Variants in BDNF observed in about 807,000 individuals in gnomAD.
BDNF encodes the protein brain derived neurotrophic factor, also known as neurotrophic factor BDNF precursor form.
Under a neutral mutation model 19.5 loss-of-function variants are expected in BDNF, and 1 was observed. The ratio of observed to expected loss-of-function variants is 0.05; its 90% confidence interval spans 0.02 to 0.24. BDNF has a LOEUF of 0.24. Among genes scored for constraint, BDNF ranks in the 10% least tolerant of loss-of-function variants. BDNF has a pLI of 1.00. For synonymous variants in BDNF, 100 were observed against 121.6 expected (o/e 0.82, Z 1.17); for missense variants, 195 against 317.6 (o/e 0.61, Z 2.93).
chr11:27,690,193 T>A (rs1435735553), intron 1 of BDNF, among the ~76,000 whole-genome samples: 1 of 152,166 alleles, frequency 6.6e-6, no homozygotes, highest in Non-Finnish European at 1.5e-5. Context: ...TGCAAAAAAA[T>A]TCACATGTTT....
intron 1 of BDNF, chr11:27,699,257 C>A (rs1859594267): frequency 7.6e-7 from 1 of 1,323,710 alleles, no homozygotes; most frequent in Non-Finnish European, 1.1e-6. Flanking sequence ...TCCTCCAGTT[C>A]ACCCTCGCAG....
At chr11:27,697,166 G>C (rs11030117) in intron 1 of BDNF, among the ~76,000 whole-genome samples, 35 of 90,702 alleles carry the variant, frequency 3.9e-4, no homozygotes, top group Non-Finnish European at 7.3e-4. Flanking sequence ...CACACACACA[G>C]AGAGAGAGAG....
upstream of BDNF, chr11:27,700,995 G>A: frequency 7.3e-7 from 1 of 1,361,878 alleles, no homozygotes; most frequent in Non-Finnish European, 9.8e-7. Context: ...CTGCACTACG[G>A]AGCTTGCGAA....
chr11:27,682,794 T>C (rs960197915), intron 1 of BDNF, among the ~76,000 whole-genome samples: 2 of 152,214 alleles, frequency 1.3e-5, no homozygotes, highest in East Asian at 3.9e-4. Flanking sequence ...ACATTTTCTT[T>C]ATCCAGTCTA....
chr11:27,692,767 T>C (rs1858475611), intron 1 of BDNF, among the ~76,000 whole-genome samples: 1 of 152,244 alleles, frequency 6.6e-6, no homozygotes, highest in Admixed American at 6.5e-5. Flanking sequence ...ATTTACATCA[T>C]TGGTTCTAGA....
In BDNF at chr11:27,718,359, C is replaced by CG. The variant is rs1554950413; in HGVS notation, c.3+3052_3+3053insC. On this transcript the variant is annotated intron_variant, in intron 1 of 1. Coordinates refer to the BDNF transcript ENST00000314915. ...CATTCCCCGTTCCGCACACCACCCCCCCCCGCCCCTCCCGGGATTTTGCAA... is the reference window on the plus strand; with the variant it reads ...CATTCCCCGTTCCGCACACCACCCCCGCCCCGCCCCTCCCGGGATTTTGCAA... Among the ~76,000 whole-genome samples, 5 of 144,498 alleles carry CG rather than the reference C, an allele frequency of 3.5e-5. 1 individual carries two copies. The highest frequency in any genetic ancestry group is 5.0e-5 in the African/African-American group (2 of 40,292). 94.8% of individuals were successfully genotyped at this position (144,498 alleles called of 152,430 possible).
upstream of BDNF, among the ~76,000 whole-genome samples, chr11:27,705,326 A>T (rs36211437): frequency 0.052 from 7,940 of 152,278 alleles, 359 homozygotes; most frequent in South Asian, 0.24. Context: ...AACAAATTTA[A>T]ACCAAAGGGT....
Position 27,657,879 on chromosome 11 carries a change from C to T in BDNF, c.686G>A (p.Arg229Gln). The T allele has an allele frequency of 1.2e-6, 2 of 1,614,164 alleles. No homozygotes were observed. The highest frequency in any genetic ancestry group is 1.7e-6 in the Non-Finnish European group (2 of 1,180,030). Residue 229 changes from arginine (R) to glutamine (Q), a missense_variant, in exon 2 of 2, where the codon CGA (arginine) becomes CAA (glutamine). Physicochemically the swap from Arg to Gln is conservative, Grantham distance 43 (BLOSUM62 1). Transcript: ENST00000356660. This position sits in a 1 kb window ranked among gnomAD's most constrained non-coding sequence, Gnocchi z 5.0. ...ACAAGAAGTGTCTATCCTTATGAAT[C>T]GCCAGCCAATTCTCTTTTTGCTATC... ...TMDSKKRIGWRFIRIDTSCVC... is the reference protein window; with the variant it reads ...TMDSKKRIGWQFIRIDTSCVC...
At chr11:27,701,329 A>G (rs1370319492), upstream of BDNF, 17 of 1,099,734 alleles carry the variant, frequency 1.5e-5, no homozygotes, top group Non-Finnish European at 1.9e-5. Context: ...AGTAACCATC[A>G]AGGCAGCTGC....
Position 27,655,145 on chromosome 11 carries a change from C to T in BDNF, c.*2676G>A, listed in dbSNP as rs1470155236. 1 of 152,280 alleles carries T rather than the reference C, an allele frequency of 6.6e-6. No homozygotes were observed. The highest frequency in any genetic ancestry group is 1.5e-5 in the Non-Finnish European group (1 of 68,012). 9.4% of individuals were successfully genotyped at this position (152,280 alleles called of 1,614,324 possible). On this transcript the variant is annotated 3_prime_UTR_variant, in exon 2 of 2. Transcript: ENST00000356660. ...GAACAAGGCCACAGACATTTACTTA[C>T]ATTTTCAATGGGAATCGCCATAAAA...
intron 1 of BDNF, among the ~76,000 whole-genome samples, chr11:27,662,152 C>T (rs983770921): frequency 6.6e-6 from 1 of 152,272 alleles, no homozygotes; most frequent in Admixed American, 6.5e-5. Context: ...AGGCGCCCAC[C>T]ACCATGCCCG....
intron 1 of BDNF, among the ~76,000 whole-genome samples, chr11:27,711,607 C>A (rs1388562386): frequency 1.3e-5 from 2 of 152,128 alleles, no homozygotes; most frequent in Non-Finnish European, 2.9e-5. Flanking sequence ...GACTTTGGAA[C>A]CAGAAAACTT....
At chr11:27,719,689 G>A in intron 1 of BDNF, 1 of 979,612 alleles carries the variant, frequency 1.0e-6, no homozygotes, top group Non-Finnish European at 1.2e-6. Context: ...CGAGGGCGAC[G>A]GAGAGGAAGA....
chr11:27,661,162 A>G (rs1380264126), intron 1 of BDNF, among the ~76,000 whole-genome samples: 1 of 152,248 alleles, frequency 6.6e-6, no homozygotes, highest in African/African-American at 2.4e-5. Context: ...AATTAACACA[A>G]TGGTGACAAA....
upstream of BDNF, chr11:27,700,519 C>CGGGGGGGGGGG: frequency 1.3e-6 from 1 of 759,762 alleles, no homozygotes; most frequent in Non-Finnish European, 1.5e-6. Context: ...CAAACGGCGC[C>CGGGGGGGGGGG]GCCCCCCCCC....
chr11:27,687,842 C>T (rs1230422678), intron 1 of BDNF, among the ~76,000 whole-genome samples: 2 of 152,182 alleles, frequency 1.3e-5, no homozygotes, highest in Admixed American at 6.5e-5. Context: ...AAGTGTCTGT[C>T]GACCCCTGCT....
At chr11:27,712,908 ATTCTTTCT>A (rs1170088899) in intron 1 of BDNF, among the ~76,000 whole-genome samples, 9 of 133,822 alleles carry the variant, frequency 6.7e-5, no homozygotes, top group African/African-American at 2.5e-4. Flanking sequence ...ACAGTGAGCA[ATTCTTTCT>A]TTCTTTCTTT....
At chr11:27,678,026 G>A (rs764005365) in intron 1 of BDNF, among the ~76,000 whole-genome samples, 1 of 152,158 alleles carries the variant, frequency 6.6e-6, no homozygotes, top group Non-Finnish European at 1.5e-5. Flanking sequence ...GGGACCGGGG[G>A]CTGAAGTCCT....
Position 27,657,099 on chromosome 11 carries a change from T to A in BDNF, c.*722A>T. ...TGAGCATTTTTTTGTTCAGTTGCCT[T>A]AATTTTTATTCACTTTCTAGTCATC... On this transcript the variant is annotated 3_prime_UTR_variant, in exon 2 of 2. Coordinates refer to ENST00000356660, the MANE Select transcript of BDNF (RefSeq NM_001709.5). This position sits in a 1 kb window ranked among gnomAD's most constrained non-coding sequence, Gnocchi z 5.0. 1 of 985,622 alleles carries A rather than the reference T, an allele frequency of 1.0e-6. No homozygotes were observed. Among genetic ancestry groups the A allele is most frequent in the Non-Finnish European group, 1.2e-6 (1 of 829,868 alleles). The allele number at this position is 985,622 out of a possible 1,614,324, so 61.1% of individuals were successfully genotyped here. A position where few individuals can be genotyped will look rare whatever the true frequency, so the allele number is the denominator to read the frequency against.
Sources: allele counts gnomAD v4.1 joint callset (sites outside exome capture counted in the v4.1 genomes callset), GRCh38; gene constraint gnomAD v4.1.1; non-coding constraint Gnocchi (gnomAD v3.1); transcripts MANE v1.5; gene names NCBI Gene and HGNC (gene_info 2026-07-23, HGNC 2026-07-21).